Variants in CTNNA1 observed in about 807,000 individuals in gnomAD.
CTNNA1 encodes the protein catenin alpha 1, also known as catenin alpha-1.
Under a neutral mutation model 98.4 loss-of-function variants are expected in CTNNA1, and 37 were observed. The ratio of observed to expected loss-of-function variants is 0.38; its 90% confidence interval spans 0.29 to 0.49. The LOEUF (loss-of-function observed/expected upper bound fraction) is 0.49. Ranked by LOEUF, CTNNA1 falls within the 20% of genes least tolerant of loss-of-function variation. CTNNA1 has a pLI of 0.95. For synonymous variants in CTNNA1, 404 were observed against 413.2 expected (o/e 0.98, Z 0.27); for missense variants, 761 against 1,147.2 (o/e 0.66, Z 4.86).
intron 1 of CTNNA1, among the ~76,000 whole-genome samples, chr5:138,758,875 T>C (rs1249804951): frequency 6.6e-6 from 1 of 152,008 alleles, no homozygotes; most frequent in African/African-American, 2.4e-5. Context: ...TGGCGTGATC[T>C]TGGCTCACTG....
intron 3 of CTNNA1, among the ~76,000 whole-genome samples, chr5:138,807,286 G>A (rs1222368473): frequency 6.6e-6 from 1 of 151,808 alleles, no homozygotes; most frequent in Non-Finnish European, 1.5e-5. Flanking sequence ...GGGATTATAG[G>A]TGTGAGCCAC....
chr5:138,785,074 T>TA (rs1452201705), intron 3 of CTNNA1, among the ~76,000 whole-genome samples: 1 of 150,902 alleles, frequency 6.6e-6, no homozygotes, highest in African/African-American at 2.4e-5. Context: ...ATTTTTTTTT[T>TA]TTTTTGAGAC....
intron 11 of CTNNA1, among the ~76,000 whole-genome samples, chr5:138,922,231 CT>C (rs1229464299): frequency 6.6e-6 from 1 of 152,150 alleles, no homozygotes; most frequent in Non-Finnish European, 1.5e-5. Flanking sequence ...GATCTAACTG[CT>C]AGACATTTTC....
Position 138,932,518 on chromosome 5 carries a change from G to A in CTNNA1, c.2299-60G>A, listed in dbSNP as rs28969547. On this transcript the variant is annotated intron_variant, in intron 16 of 17. Coordinates refer to ENST00000302763, the MANE Select transcript of CTNNA1 (RefSeq NM_001903.5). ...CACTGAACCTTTCAGAAACAGCCGT[G>A]GGGTCGGGGGTGCTTGGGCCAGGCC... is the stretch of plus-strand genomic sequence containing the variant. 8.5e-4 allele frequency: 1,357 copies of A among 1,594,036 alleles called. 1 individual carries two copies. The highest frequency in any genetic ancestry group is 1.3e-3 in the Middle Eastern group (8 of 5,986).
At chr5:138,778,137 G>A (rs953616050) in intron 1 of CTNNA1, among the ~76,000 whole-genome samples, 1 of 146,990 alleles carries the variant, frequency 6.8e-6, no homozygotes, top group African/African-American at 2.5e-5. Flanking sequence ...GGGACTACAG[G>A]CGACCGCCAC....
At chr5:138,814,760 T>C (rs1046524102) in intron 5 of CTNNA1, among the ~76,000 whole-genome samples, 7 of 151,350 alleles carry the variant, frequency 4.6e-5, no homozygotes, top group African/African-American at 1.7e-4. Flanking sequence ...GGGTTTTTTT[T>C]TGTTTTTTTT....
intron 1 of CTNNA1, among the ~76,000 whole-genome samples, chr5:138,771,832 C>CA (rs1284040330): frequency 6.6e-6 from 1 of 152,154 alleles, no homozygotes; most frequent in East Asian, 1.9e-4. Flanking sequence ...TGCAGTGTGA[C>CA]AGTTAACGTT....
chr5:138,845,123 T>C (rs560895734), intron 7 of CTNNA1, among the ~76,000 whole-genome samples: 7 of 152,230 alleles, frequency 4.6e-5, no homozygotes, highest in African/African-American at 1.7e-4. Context: ...CATATTGTTA[T>C]TTTTGTGTCA....
intron 7 of CTNNA1, chr5:138,869,688 A>C: frequency 6.6e-6 from 1 of 152,622 alleles, no homozygotes; most frequent in East Asian, 1.9e-4. Flanking sequence ...GGAAAGATGG[A>C]GTCTAGCTCT....
chr5:138,758,868 C>T (rs1037296649), intron 1 of CTNNA1, among the ~76,000 whole-genome samples: 2 of 151,290 alleles, frequency 1.3e-5, no homozygotes, highest in African/African-American at 2.4e-5. Context: ...AGTGCAATGG[C>T]GTGATCTTGG....
intron 7 of CTNNA1, among the ~76,000 whole-genome samples, chr5:138,832,912 G>C (rs1173389308): frequency 6.6e-6 from 1 of 152,182 alleles, no homozygotes; most frequent in East Asian, 1.9e-4. Context: ...AAAGACTTCT[G>C]AAGGGCTCTA....
chr5:138,904,952 G>C (rs2150144054), intron 10 of CTNNA1, among the ~76,000 whole-genome samples: 1 of 151,848 alleles, frequency 6.6e-6, no homozygotes, highest in South Asian at 2.1e-4. Flanking sequence ...AAATTAGGTG[G>C]GTGTGGTGGC....
In CTNNA1 at chr5:138,894,165, C is replaced by T. The variant is rs530285052; in HGVS notation, c.1296+6523C>T. On this transcript the variant is annotated intron_variant, in intron 9 of 17. Transcript: ENST00000302763. ...AACTCCTGACCTCAGGTGATCCACC[C>T]GCCTCAGCCTCCCAAAGTGCTAGGA... 7.2e-5 allele frequency among the ~76,000 whole-genome samples: 11 copies of T among 151,920 alleles called. No individual in the cohort carries two copies. In the South Asian group the frequency reaches 1.2e-3, roughly 17 times the overall value.
intron 16 of CTNNA1, chr5:138,931,708 C>G (rs1765386022): frequency 1.4e-5 from 14 of 985,344 alleles, no homozygotes; most frequent in East Asian, 1.1e-4. Flanking sequence ...CTCTCCACTT[C>G]CTTCTGCATC....
chr5:138,892,666 G>A (rs978733931), intron 9 of CTNNA1, among the ~76,000 whole-genome samples: 1 of 151,882 alleles, frequency 6.6e-6, no homozygotes, highest in African/African-American at 2.4e-5. Context: ...TATATTGCTT[G>A]TATGTTGAAA....
At chr5:138,885,241 G>C (rs961094777) in intron 7 of CTNNA1, among the ~76,000 whole-genome samples, 3 of 152,068 alleles carry the variant, frequency 2.0e-5, no homozygotes, top group Non-Finnish European at 2.9e-5. Context: ...TGTGTACTAA[G>C]AGCATACCCA....
intron 7 of CTNNA1, among the ~76,000 whole-genome samples, chr5:138,866,700 T>C (rs1265868129): frequency 6.6e-6 from 1 of 152,218 alleles, no homozygotes; most frequent in Non-Finnish European, 1.5e-5. Context: ...GATGCTTGAT[T>C]GTACTTGACT....
chr5:138,925,637 A>C, intron 13 of CTNNA1: 1 of 528,060 alleles, frequency 1.9e-6, no homozygotes, highest in Non-Finnish European at 3.2e-6. Context: ...TTGACGATTT[A>C]ATTTAGGATA....
intron 7 of CTNNA1, among the ~76,000 whole-genome samples, chr5:138,851,628 A>G: frequency 6.6e-6 from 1 of 151,842 alleles, no homozygotes; most frequent in Non-Finnish European, 1.5e-5. Context: ...GCGCGGTGGC[A>G]TACACCTGTA....
Sources: allele counts gnomAD v4.1 joint callset (sites outside exome capture counted in the v4.1 genomes callset), GRCh38; gene constraint gnomAD v4.1.1; transcripts MANE v1.5; gene names NCBI Gene and HGNC (gene_info 2026-07-23, HGNC 2026-07-21).